SCYL3: variants seen among roughly 807,000 people sequenced by gnomAD.
The protein encoded by SCYL3 is protein-associating with the carboxyl-terminal domain of ezrin.
A neutral mutation model predicts 73.8 loss-of-function variants in SCYL3; 35 were observed. The observed-to-expected ratio is 0.47, with a 90% CI of 0.36 to 0.63. The LOEUF (loss-of-function observed/expected upper bound fraction) is 0.63. SCYL3 is among the 20% of genes least tolerant of loss of function. SCYL3 has a pLI of 0.00. For synonymous variants in SCYL3, 277 were observed against 295.2 expected, an observed-to-expected ratio of 0.94 and a Z score of 0.63; for missense variants, 712 against 798.9, an observed-to-expected ratio of 0.89 and a Z score of 1.31.
chr1:169,865,807 C>T (rs183015901), intron 8 of SCYL3, among the ~76,000 whole-genome samples: 3 of 152,264 alleles, frequency 2.0e-5, no homozygotes, highest in East Asian at 3.9e-4. Context: ...TCGTGAAATT[C>T]CCTACTCCTT....
rs181833921 is a variant in SCYL3 at position 169,883,220 on chromosome 1, A to G, written c.166-4401T>C. ...CGGCTTCATTCTTGAAGTCAGTGAG[A>G]CCAAGAACCCACCAATTCCGGACAC... On this transcript the variant is annotated intron_variant, in intron 2 of 12. Coordinates refer to ENST00000367771, the MANE Select transcript of SCYL3 (RefSeq NM_020423.7). Among the ~76,000 whole-genome samples, 1,210 of 152,238 alleles carry G rather than the reference A, an allele frequency of 7.9e-3. 19 individuals are homozygous for G. The highest frequency in any genetic ancestry group is 0.028 in the African/African-American group (1,149 of 41,530).
At chr1:169,858,224 T>C (rs1034457744) in intron 11 of SCYL3, among the ~76,000 whole-genome samples, 4 of 152,276 alleles carry the variant, frequency 2.6e-5, no homozygotes, top group African/African-American at 9.6e-5. Flanking sequence ...TATTTTCTTA[T>C]ATCCTTATTC....
At chr1:169,882,572 CCT>C (rs1351507245) in intron 2 of SCYL3, among the ~76,000 whole-genome samples, 2 of 152,230 alleles carry the variant, frequency 1.3e-5, no homozygotes, top group African/African-American at 4.8e-5. Flanking sequence ...CAGCTGGGCT[CCT>C]GAGTCTGGTG....
chr1:169,853,355 GGCACAAAA>G lies in SCYL3; in HGVS notation c.*350_*357del. On this transcript the variant is annotated 3_prime_UTR_variant, in exon 13 of 13. Coordinates refer to ENST00000367771, the MANE Select transcript of SCYL3 (RefSeq NM_020423.7). ...AGAGCTTACTCTTATGTTAAAGAAT[GGCACAAAA>G]TTAAGCTAACCAGCTTGAATTACAT... is the stretch of plus-strand genomic sequence containing the variant. 1 of 312,864 alleles carries G rather than the reference GGCACAAAA, an allele frequency of 3.2e-6. No homozygotes were observed. Among genetic ancestry groups the G allele is most frequent in the Non-Finnish European group, 5.8e-6 (1 of 171,468 alleles). 19.4% of individuals were successfully genotyped at this position (312,864 alleles called of 1,614,324 possible). A position where few individuals can be genotyped will look rare whatever the true frequency, so the allele number is the denominator to read the frequency against.
intron 9 of SCYL3, among the ~76,000 whole-genome samples, chr1:169,863,497 T>C (rs1659815514): frequency 6.6e-6 from 1 of 152,344 alleles, no homozygotes; most frequent in East Asian, 1.9e-4. Flanking sequence ...ACTTTGATGC[T>C]GGATACTCCT....
intron 2 of SCYL3, among the ~76,000 whole-genome samples, chr1:169,886,887 T>C (rs17603666): frequency 0.066 from 10,020 of 152,280 alleles, 425 homozygotes; most frequent in Non-Finnish European, 0.1. Flanking sequence ...GTGTATATTG[T>C]TATCCAGTAA....
At chr1:169,874,338 A>G (rs892514041) in intron 4 of SCYL3, among the ~76,000 whole-genome samples, 1 of 152,206 alleles carries the variant, frequency 6.6e-6, no homozygotes, top group Non-Finnish European at 1.5e-5. Context: ...TCTGCCCCCA[A>G]TCAGGTGCTC....
rs760808476 is a variant in SCYL3, at chr1:169,854,929, T to C, written c.1348A>G (p.Asn450Asp). The change falls in exon 12 of 13, where the codon AAT becomes GAT. Residue 450 changes from asparagine (N) to aspartate (D), a missense_variant. Asn to Asp is a conservative substitution (Grantham distance 23). Coordinates refer to ENST00000367771, the MANE Select transcript of SCYL3 (RefSeq NM_020423.7). ...PFSQPIKFPI[N>D]GLSDVKNTSE... is the part of the protein sequence containing the mutation. ...GTATTTTTTACATCTGAGAGTCCAT[T>C]TATGGGAAATTTAATAGGCTGAGAA... 3.7e-6 allele frequency: 6 copies of C among 1,610,192 alleles called. No individual in the cohort carries two copies. The Admixed American group carries it at 5.1e-5, about 14-fold the overall frequency.
chr1:169,858,860 A>C (rs955620841), intron 11 of SCYL3, among the ~76,000 whole-genome samples, 181 bp downstream of exon 11: 2 of 152,162 alleles, frequency 1.3e-5, no homozygotes, highest in African/African-American at 4.8e-5. Context: ...GCAAGCTTAA[A>C]AAAAAAGTAT....
Position 169,854,317 on chromosome 1 carries a change from G to A in SCYL3, c.1960C>T (p.Pro654Ser), listed in dbSNP as rs1658905663. The change falls in exon 12 of 13, where the codon CCA (proline) becomes TCA (serine). Residue 654 changes from proline (P) to serine (S), a missense_variant. Physicochemically the swap from Pro to Ser is moderately conservative, Grantham distance 74. Around this residue, in one of 2 missense-constraint regions of SCYL3, gnomAD observed 370 missense variants for 350.8 expected, o/e 1.05. Coordinates refer to ENST00000367771, the MANE Select transcript of SCYL3 (RefSeq NM_020423.7). ...EMVPKKDDVS[P>S]VMQFSSKFAA... ...AATTTTGAGGAAAACTGCATCACTG[G>A]GGAGACATCATCCTTTTTTGGGACC... The A allele has an allele frequency of 6.2e-7, 1 of 1,612,624 alleles. No homozygotes were observed. The highest frequency in any genetic ancestry group is 1.1e-5 in the South Asian group (1 of 90,642).
At chr1:169,878,603 G>C in intron 3 of SCYL3, 31 bp downstream of exon 3, 1 of 1,546,012 alleles carries the variant, frequency 6.5e-7, no homozygotes, top group Non-Finnish European at 8.8e-7. Context: ...CTACATCAAA[G>C]TCTGTGATGC....
At chr1:169,889,712 G>A (rs906343102) in intron 1 of SCYL3, among the ~76,000 whole-genome samples, 1 of 152,232 alleles carries the variant, frequency 6.6e-6, no homozygotes, top group Non-Finnish European at 1.5e-5. Flanking sequence ...GGATTATCAT[G>A]ATGTATGAGG....
At position 169,854,525 on chromosome 1, in the gene SCYL3, T is replaced by C; in HGVS notation, c.1752A>G (p.Pro584=). The C allele has an allele frequency of 3.7e-6, 6 of 1,614,042 alleles. No homozygotes were observed. Among genetic ancestry groups the C allele is most frequent in the Non-Finnish European group, 5.1e-6 (6 of 1,179,976 alleles). ...GGGGCCTTTCTTGTGATGACACTTT[T>C]GGCGGCTCGATTTGGTCTGCGTCAT... The part of the protein sequence containing the change: ...RGDDADQIEP[P]KVSSQERPLK... Residue 584 remains proline, a synonymous_variant, in exon 12 of 13, where the codon CCA becomes CCG. Coordinates refer to ENST00000367771, the MANE Select transcript of SCYL3 (RefSeq NM_020423.7).
chr1:169,878,045 A>T (rs958989844), intron 3 of SCYL3, among the ~76,000 whole-genome samples: 1 of 152,230 alleles, frequency 6.6e-6, no homozygotes, highest in Non-Finnish European at 1.5e-5. Context: ...TAATACTGTC[A>T]AGAAACAGAC....
intron 2 of SCYL3, 75 bp downstream of exon 2, chr1:169,888,601 C>T: frequency 8.1e-7 from 1 of 1,239,038 alleles, no homozygotes; most frequent in Admixed American, 2.1e-5. Flanking sequence ...TTGAACTTTA[C>T]TAATTTCATA....
chr1:169,855,529 G>T (rs1446903498), intron 11 of SCYL3, among the ~76,000 whole-genome samples: 3 of 152,166 alleles, frequency 2.0e-5, no homozygotes, highest in African/African-American at 7.2e-5. Flanking sequence ...GTACAATTTG[G>T]AAGATGCTGC....
In SCYL3 at chr1:169,850,417, C is replaced by T. The variant is rs191663346; in HGVS notation, c.*3296G>A. 910 of 1,010,244 alleles carry T rather than the reference C, an allele frequency of 9.0e-4. 8 individuals are homozygous for T. In the African/African-American group the frequency reaches 0.013, roughly 15 times the overall value. 62.6% of individuals were successfully genotyped at this position (1,010,244 alleles called of 1,614,324 possible). A position where few individuals can be genotyped will look rare whatever the true frequency, so the allele number is the denominator to read the frequency against. Reference sequence around the variant, plus strand: ...TTTTTCCGAAATTATGTAACTGTAACCAACCTGAGTGTCTTCTTAGCTTAA... The same window carrying T: ...TTTTTCCGAAATTATGTAACTGTAATCAACCTGAGTGTCTTCTTAGCTTAA... On this transcript the variant is annotated 3_prime_UTR_variant, in exon 13 of 13. Coordinates refer to ENST00000367771, the MANE Select transcript of SCYL3 (RefSeq NM_020423.7).
At position 169,850,266 on chromosome 1, in the gene SCYL3, G is replaced by A; in HGVS notation, c.*3447C>T. On this transcript the variant is annotated 3_prime_UTR_variant, in exon 13 of 13. Transcript: ENST00000367771. ...TCTTGTTCATCAATTTTTTAATAGGGAACAAATCATGAAGAGATAGTTCCA... is the reference window on the plus strand; with the variant it reads ...TCTTGTTCATCAATTTTTTAATAGGAAACAAATCATGAAGAGATAGTTCCA... 5 of 1,603,386 alleles carry A rather than the reference G, an allele frequency of 3.1e-6. No homozygotes were observed. Among genetic ancestry groups the A allele is most frequent in the Non-Finnish European group, 4.3e-6 (5 of 1,172,454 alleles).
At position 169,851,877 on chromosome 1, in the gene SCYL3, A is replaced by G; in HGVS notation, c.*1836T>C. 7 of 1,614,008 alleles carry G rather than the reference A, an allele frequency of 4.3e-6. No individual in the cohort carries two copies. The highest frequency in any genetic ancestry group is 5.9e-6 in the Non-Finnish European group (7 of 1,179,960). ...GGAACGTGTGAAACAGGAAAAAGGT[A>G]TTTTCTGGGAACCCTTTGCTAATGT... On this transcript the variant is annotated 3_prime_UTR_variant, in exon 13 of 13. Transcript: ENST00000367771.
Sources: allele counts gnomAD v4.1 joint callset (sites outside exome capture counted in the v4.1 genomes callset), GRCh38; gene constraint gnomAD v4.1.1; regional missense constraint gnomAD v4.1.1; transcripts MANE v1.5; gene names NCBI Gene and HGNC (gene_info 2026-07-23, HGNC 2026-07-21).